Variants in OSBPL9 observed in about 807,000 individuals in gnomAD.
The protein encoded by OSBPL9 is oxysterol binding protein like 9.
A neutral mutation model predicts 106.6 loss-of-function variants in OSBPL9; 40 were observed. The observed-to-expected ratio is 0.38, with a 90% confidence interval of 0.29 to 0.49. The LOEUF is 0.49. Among genes scored for constraint, OSBPL9 ranks in the 20% least tolerant of loss-of-function variants. The pLI is 0.97. For missense variants in OSBPL9, 609 were observed against 887.2 expected (o/e 0.69, Z 3.98); for synonymous variants, 269 against 295.4 (o/e 0.91, Z 0.92).
chr1:51,782,561 A>G lies in OSBPL9; in HGVS notation c.1431A>G (p.Glu477=). The G allele has an allele frequency of 1.2e-6, 2 of 1,613,274 alleles. No individual in the cohort carries two copies. Among genetic ancestry groups the G allele is most frequent in the Non-Finnish European group, 1.7e-6 (2 of 1,179,568 alleles). The change falls in exon 17 of 24, where the codon GAA becomes GAG. Residue 477 remains glutamate (E), a splice_region_variant and synonymous_variant. Transcript: ENST00000428468. ...TLPNDTEENT[E]LVSEGPVPWV... ...AATTATGTTATATTTGCTTGCAGGA[A>G]CTAGTTTCAGAAGGACCAGTTCCCT... is the stretch of plus-strand genomic sequence containing the variant.
intron 6 of OSBPL9, among the ~76,000 whole-genome samples, chr1:51,747,553 CTTTTTTT>C (rs746109312): frequency 7.1e-5 from 3 of 42,384 alleles, no homozygotes; most frequent in Non-Finnish European, 1.5e-4. Flanking sequence ...CTCTCCTTGG[CTTTTTTT>C]TTTTTTTTTT....
Position 51,783,897 on chromosome 1 carries a change from T to C in OSBPL9, c.1514-18T>C, listed in dbSNP as rs752195745. 10 of 1,562,532 alleles carry C rather than the reference T, an allele frequency of 6.4e-6. No homozygotes were observed. The highest frequency in any genetic ancestry group is 3.3e-5 in the Admixed American group (2 of 59,892). On this transcript the variant is annotated intron_variant, in intron 17 of 23. Transcript: ENST00000428468. ...GCTGTAGGTATATATAATCTACTAA[T>C]TGAAAATTTCTATTCAGTTTCAGCC...
At chr1:51,634,849 C>A (rs528845026) in intron 1 of OSBPL9, among the ~76,000 whole-genome samples, 1 of 152,138 alleles carries the variant, frequency 6.6e-6, no homozygotes, top group Non-Finnish European at 1.5e-5. Context: ...GCATGTCTTA[C>A]GCTGGGGCAG....
chr1:51,578,227 A>T (rs953037753), intron 1 of OSBPL9, among the ~76,000 whole-genome samples: 30 of 152,340 alleles, frequency 2.0e-4, no homozygotes, highest in African/African-American at 6.3e-4. Context: ...CATTTGACAA[A>T]TGTTAATTGA....
upstream of OSBPL9, among the ~76,000 whole-genome samples, chr1:51,613,735 CTTTT>C (rs1446397368): frequency 6.6e-6 from 1 of 150,622 alleles, no homozygotes; most frequent in Non-Finnish European, 1.5e-5. Context: ...CCTTTTCTTT[CTTTT>C]CTTTTTTTTT....
At chr1:51,630,657 T>C (rs765815070) in intron 1 of OSBPL9, among the ~76,000 whole-genome samples, 13 of 152,184 alleles carry the variant, frequency 8.5e-5, no homozygotes, top group Middle Eastern at 3.2e-3. Flanking sequence ...CCATAGACTT[T>C]ATAAACACTG....
intron 5 of OSBPL9, among the ~76,000 whole-genome samples, chr1:51,745,914 C>T (rs1299687313): frequency 6.6e-6 from 1 of 152,066 alleles, no homozygotes; most frequent in East Asian, 1.9e-4. Flanking sequence ...GGTTCATATT[C>T]TGTTTAAAAT....
At chr1:51,746,950 T>C (rs1041302604) in intron 6 of OSBPL9, among the ~76,000 whole-genome samples, 193 bp downstream of exon 6, 6 of 152,190 alleles carry the variant, frequency 3.9e-5, no homozygotes, top group African/African-American at 1.2e-4. Flanking sequence ...AAAAGGATAA[T>C]ATACAGAGTT....
intron 2 of OSBPL9, among the ~76,000 whole-genome samples, chr1:51,609,177 A>G (rs1288266841): frequency 6.6e-6 from 1 of 151,480 alleles, no homozygotes; most frequent in African/African-American, 2.4e-5. Flanking sequence ...AGCCTCTCTC[A>G]TTTTTCCCCA....
intron 12 of OSBPL9, among the ~76,000 whole-genome samples, chr1:51,771,337 A>G (rs1673842507): frequency 1.3e-5 from 2 of 152,126 alleles, no homozygotes; most frequent in South Asian, 4.2e-4. Flanking sequence ...CTTTATTTAT[A>G]TACAAATACC....
At chr1:51,711,534 G>T (rs1659921108) in intron 3 of OSBPL9, among the ~76,000 whole-genome samples, 1 of 135,356 alleles carries the variant, frequency 7.4e-6, no homozygotes, top group Admixed American at 7.2e-5. Flanking sequence ...CTCCCTCCCG[G>T]ACGGGGTGGC....
intron 13 of OSBPL9, 146 bp downstream of exon 13, chr1:51,772,328 ATG>A: frequency 1.0e-5 from 7 of 684,058 alleles, no homozygotes; most frequent in Non-Finnish European, 7.5e-6. Flanking sequence ...CCTGACCAAC[ATG>A]GTGAAACCCC....
At chr1:51,699,497 A>G (rs542066743) in intron 3 of OSBPL9, among the ~76,000 whole-genome samples, 1 of 152,172 alleles carries the variant, frequency 6.6e-6, no homozygotes, top group Admixed American at 6.5e-5. Flanking sequence ...TACAAACACA[A>G]ATGTCTTTAT....
the OSBPL9 span, among the ~76,000 whole-genome samples, chr1:51,530,193 C>CAA: frequency 5.4e-5 from 3 of 55,660 alleles, no homozygotes; most frequent in African/African-American, 1.7e-4. Context: ...AAAAAAAAAA[C>CAA]AAAAAAAAAA....
intron 4 of OSBPL9, among the ~76,000 whole-genome samples, chr1:51,739,986 A>C (rs1571446775): frequency 6.6e-6 from 1 of 151,746 alleles, no homozygotes; most frequent in East Asian, 1.9e-4. Flanking sequence ...TGTTTGGCAT[A>C]ATCTTTTTTT....
intron 2 of OSBPL9, among the ~76,000 whole-genome samples, chr1:51,604,833 A>G (rs1401987809): frequency 6.6e-6 from 1 of 151,130 alleles, no homozygotes; most frequent in Non-Finnish European, 1.5e-5. Flanking sequence ...TTTTGTTTTT[A>G]GTAGACACGG....
intron 8 of OSBPL9, chr1:51,752,367 A>G (rs1669436549): frequency 3.6e-6 from 1 of 281,350 alleles, no homozygotes; most frequent in Non-Finnish European, 7.3e-6. Flanking sequence ...ACATCTTTGG[A>G]AAGACTTTTC....
At chr1:51,654,082 G>T (rs906659809) in intron 2 of OSBPL9, among the ~76,000 whole-genome samples, 2 of 151,850 alleles carry the variant, frequency 1.3e-5, no homozygotes, top group African/African-American at 4.8e-5. Flanking sequence ...AGATTTTACT[G>T]ATTGCACGGT....
At chr1:51,618,200 G>GTCC (rs1020923450) in intron 1 of OSBPL9, among the ~76,000 whole-genome samples, 5 of 152,056 alleles carry the variant, frequency 3.3e-5, no homozygotes, top group African/African-American at 1.2e-4. Flanking sequence ...TGTATTTTTA[G>GTCC]TAGAGACGGG....
Sources: allele counts gnomAD v4.1 joint callset (sites outside exome capture counted in the v4.1 genomes callset), GRCh38; gene constraint gnomAD v4.1.1; transcripts MANE v1.5; gene names NCBI Gene and HGNC (gene_info 2026-07-23, HGNC 2026-07-21).